The following RSRC1 variants were observed in gnomAD, a reference collection of about 807,000 sequenced individuals.
The protein encoded by RSRC1 is serine/Arginine-related protein 53.
In RSRC1, 39 loss-of-function variants were observed where a neutral mutation model predicts 49.1. That is an observed-to-expected ratio of 0.79 (90% CI 0.61 to 1.04). RSRC1 has a LOEUF of 1.04. Among genes scored for constraint, RSRC1 ranks in the 50% least tolerant of loss-of-function variants. RSRC1 has a pLI of 0.00. For synonymous variants in RSRC1, 143 were observed against 130.8 expected (o/e 1.09, Z -0.63); for missense variants, 388 against 402.4 (o/e 0.96, Z 0.31).
chr3:158,303,942 C>T (rs73166399), intron 5 of RSRC1, among the ~76,000 whole-genome samples: 21,004 of 152,178 alleles, frequency 0.14, 1,580 homozygotes, highest in Middle Eastern at 0.21. Flanking sequence ...AATGATAATA[C>T]ATCTTTTAGT....
chr3:158,227,361 G>A (rs1172140726), intron 4 of RSRC1, among the ~76,000 whole-genome samples: 2 of 151,636 alleles, frequency 1.3e-5, no homozygotes, highest in Non-Finnish European at 2.9e-5. Flanking sequence ...TCTTTCCGCC[G>A]ATTTTCTTCC....
intron 4 of RSRC1, among the ~76,000 whole-genome samples, chr3:158,252,644 A>G (rs1724287535): frequency 6.6e-6 from 1 of 152,096 alleles, no homozygotes; most frequent in South Asian, 2.1e-4. Context: ...TAGTTTTTGG[A>G]AAAATTTGAG....
intron 5 of RSRC1, among the ~76,000 whole-genome samples, chr3:158,311,101 T>A (rs1186790920): frequency 6.6e-6 from 1 of 151,914 alleles, no homozygotes; most frequent in Non-Finnish European, 1.5e-5. Context: ...GTCTTTCTTA[T>A]ATCTCCAATC....
At chr3:158,540,111 G>A (rs76460421) in intron 8 of RSRC1, among the ~76,000 whole-genome samples, 426 of 152,236 alleles carry the variant, frequency 2.8e-3, no homozygotes, top group African/African-American at 9.9e-3. Context: ...TTGGATTAGC[G>A]TATTTCCCAC....
intron 6 of RSRC1, among the ~76,000 whole-genome samples, chr3:158,383,623 T>C (rs1033622194): frequency 6.6e-6 from 1 of 152,146 alleles, no homozygotes; most frequent in African/African-American, 2.4e-5. Flanking sequence ...CAAAAAGCCT[T>C]GGGGGAATAC....
At chr3:158,192,210 T>C (rs1720288632) in intron 3 of RSRC1, among the ~76,000 whole-genome samples, 1 of 152,108 alleles carries the variant, frequency 6.6e-6, no homozygotes, top group Non-Finnish European at 1.5e-5. Flanking sequence ...GTGCATACTG[T>C]GCATACTGTG....
chr3:158,471,754 G>T (rs1479562331), intron 7 of RSRC1, among the ~76,000 whole-genome samples: 2 of 152,056 alleles, frequency 1.3e-5, no homozygotes, highest in Non-Finnish European at 2.9e-5. Flanking sequence ...GACTTATTGG[G>T]AATGGTAAGA....
chr3:158,221,691 A>G (rs1258008265), intron 4 of RSRC1, among the ~76,000 whole-genome samples: 1 of 151,536 alleles, frequency 6.6e-6, no homozygotes, highest in East Asian at 1.9e-4. Context: ...TTCATAAAGT[A>G]GATGCCTTTC....
chr3:158,343,632 T>A (rs1730375810), intron 5 of RSRC1, among the ~76,000 whole-genome samples: 1 of 152,030 alleles, frequency 6.6e-6, no homozygotes, highest in Non-Finnish European at 1.5e-5. Context: ...GAAACTATTT[T>A]AAAAAACACA....
At chr3:158,527,953 T>C (rs1576609320) in intron 7 of RSRC1, among the ~76,000 whole-genome samples, 1 of 151,964 alleles carries the variant, frequency 6.6e-6, no homozygotes, top group Non-Finnish European at 1.5e-5. Flanking sequence ...GTGAGATTTT[T>C]TATATTAATG....
chr3:158,194,727 A>C lies in RSRC1; in HGVS notation c.321-8345A>C, dbSNP rs1000425795. 2.2e-5 allele frequency among the ~76,000 whole-genome samples: 3 copies of C among 136,574 alleles called. No individual in the cohort carries two copies. The Admixed American group carries it at 2.6e-4, about 12-fold the overall frequency. 89.6% of individuals were successfully genotyped at this position (136,574 alleles called of 152,430 possible). On this transcript the variant is annotated intron_variant, in intron 3 of 9. Transcript: ENST00000611884. ...TGTTCTCATTGTTCAATTCCCACCT[A>C]TGAGTAAGAACATGTGCTGTTTGGT...
chr3:158,280,875 G>A (rs1726112327), intron 4 of RSRC1, among the ~76,000 whole-genome samples: 1 of 152,006 alleles, frequency 6.6e-6, no homozygotes, highest in Non-Finnish European at 1.5e-5. Flanking sequence ...GCGAACTCCT[G>A]AGCTCAGGCA....
intron 5 of RSRC1, among the ~76,000 whole-genome samples, chr3:158,327,218 T>C (rs1301740683): frequency 6.6e-6 from 1 of 152,094 alleles, no homozygotes; most frequent in Non-Finnish European, 1.5e-5. Flanking sequence ...AAGGGTTTTT[T>C]GTGTCTCTAT....
chr3:158,441,396 A>G (rs1303372393), intron 6 of RSRC1, among the ~76,000 whole-genome samples: 1 of 152,114 alleles, frequency 6.6e-6, no homozygotes, highest in African/African-American at 2.4e-5. Context: ...ATTGGCAACA[A>G]GATATTAACA....
chr3:158,323,386 T>C (rs1316642558), intron 5 of RSRC1, among the ~76,000 whole-genome samples: 6 of 152,180 alleles, frequency 3.9e-5, no homozygotes, highest in Admixed American at 6.5e-5. Context: ...CTTTGTGAAT[T>C]AGGAATACAT....
chr3:158,345,627 A>T (rs1578367445), intron 5 of RSRC1, among the ~76,000 whole-genome samples: 1 of 152,126 alleles, frequency 6.6e-6, no homozygotes, highest in East Asian at 1.9e-4. Context: ...TTGAAAAAGA[A>T]GGGTAGAGGT....
At chr3:158,263,037 G>A (rs1724986228) in intron 4 of RSRC1, among the ~76,000 whole-genome samples, 1 of 152,046 alleles carries the variant, frequency 6.6e-6, no homozygotes, top group East Asian at 1.9e-4. Flanking sequence ...TTCCTTGCCT[G>A]ATTGCTCAGG....
At chr3:158,273,197 G>A (rs1233673373) in intron 4 of RSRC1, among the ~76,000 whole-genome samples, 4 of 151,904 alleles carry the variant, frequency 2.6e-5, no homozygotes, top group Admixed American at 6.6e-5. Context: ...CTGGAACTTC[G>A]TTTTATTAGT....
At chr3:158,397,178 G>C (rs983733041) in intron 6 of RSRC1, among the ~76,000 whole-genome samples, 1 of 152,134 alleles carries the variant, frequency 6.6e-6, no homozygotes, top group African/African-American at 2.4e-5. Context: ...TCTTAGGGAA[G>C]CATCTGGCAA....
Sources: allele counts gnomAD v4.1 joint callset (sites outside exome capture counted in the v4.1 genomes callset), GRCh38; gene constraint gnomAD v4.1.1; transcripts MANE v1.5; gene names NCBI Gene and HGNC (gene_info 2026-07-23, HGNC 2026-07-21).